The following SNX18 variants were observed in gnomAD, a reference collection of about 807,000 sequenced individuals.
The protein encoded by SNX18 is sorting nexin 18.
SNX18 carries 35 observed loss-of-function variants against 48.7 expected under a neutral mutation model. That is an observed-to-expected ratio of 0.72 (90% confidence interval 0.55 to 0.95). The LOEUF (loss-of-function observed/expected upper bound fraction) is 0.95. SNX18 is among the 40% of genes least tolerant of loss of function. The pLI is 0.00. For missense variants in SNX18, 824 were observed against 871.0 expected, an observed-to-expected ratio of 0.95 and a Z score of 0.68; for synonymous variants, 492 against 384.7, an observed-to-expected ratio of 1.28 and a Z score of -3.26.
At chr5:54,611,444 T>A in the SNX18 span, among the ~76,000 whole-genome samples, 1 of 152,026 alleles carries the variant, frequency 6.6e-6, no homozygotes, top group Non-Finnish European at 1.5e-5. Context: ...ACCCTGCGGG[T>A]CCCAGGGTAG....
At chr5:54,603,231 AAT>A in the SNX18 span, among the ~76,000 whole-genome samples, 61,093 of 113,596 alleles carry the variant, frequency 0.54, 13,526 homozygotes, top group African/African-American at 0.65. Flanking sequence ...ATTATTTAAA[AAT>A]ATATATATAT....
At chr5:54,613,501 A>AC in the SNX18 span, among the ~76,000 whole-genome samples, 1 of 151,808 alleles carries the variant, frequency 6.6e-6, no homozygotes, top group African/African-American at 2.4e-5. Flanking sequence ...CTCATGACCT[A>AC]CTCATCTCTT....
At chr5:54,533,820 C>G (rs1217965734) in intron 1 of SNX18, among the ~76,000 whole-genome samples, 2 of 151,948 alleles carry the variant, frequency 1.3e-5, no homozygotes, top group Non-Finnish European at 2.9e-5. Context: ...AGACATTTTG[C>G]TCAAAACAAT....
chr5:54,590,496 GTGATCATTGCTTT>G, the SNX18 span, among the ~76,000 whole-genome samples: 1 of 152,162 alleles, frequency 6.6e-6, no homozygotes, highest in East Asian at 1.9e-4. Context: ...CCAGATCCAT[GTGATCATTGCTTT>G]TGATCTGACA....
At chr5:54,539,833 T>C (rs576176214) in intron 1 of SNX18, among the ~76,000 whole-genome samples, 1 of 152,084 alleles carries the variant, frequency 6.6e-6, no homozygotes, top group African/African-American at 2.4e-5. Context: ...TTTTTTGTTT[T>C]GTTTTGTTTT....
At chr5:54,641,076 A>G in the SNX18 span, among the ~76,000 whole-genome samples, 2 of 152,100 alleles carry the variant, frequency 1.3e-5, no homozygotes, top group Non-Finnish European at 2.9e-5. Context: ...AGAAAAAAAA[A>G]ATCAGGAAGG....
the SNX18 span, among the ~76,000 whole-genome samples, chr5:54,592,062 G>A: frequency 2.0e-5 from 3 of 152,268 alleles, no homozygotes; most frequent in Non-Finnish European, 4.4e-5. Flanking sequence ...GGCTCTTATG[G>A]TCTTTAACAA....
At chr5:54,590,749 G>C in the SNX18 span, among the ~76,000 whole-genome samples, 3 of 152,038 alleles carry the variant, frequency 2.0e-5, no homozygotes, top group Non-Finnish European at 4.4e-5. Flanking sequence ...TTTTTTCTCA[G>C]ACAGTCCCCT....
the SNX18 span, among the ~76,000 whole-genome samples, chr5:54,593,390 G>A: frequency 6.6e-6 from 1 of 152,134 alleles, no homozygotes; most frequent in South Asian, 2.1e-4. Flanking sequence ...AATAGAGTCT[G>A]GGCCTTAATA....
At chr5:54,539,979 C>G (rs986846466) in intron 1 of SNX18, among the ~76,000 whole-genome samples, 3 of 152,014 alleles carry the variant, frequency 2.0e-5, no homozygotes, top group African/African-American at 7.3e-5. Context: ...TGAAGTGATT[C>G]TCCTGCCTCA....
the SNX18 span, among the ~76,000 whole-genome samples, chr5:54,564,567 T>C: frequency 1.3e-5 from 2 of 152,020 alleles, no homozygotes; most frequent in Admixed American, 6.6e-5. Flanking sequence ...AAAATCAAGA[T>C]GTTGTTAGGC....
rs1454721656 is a variant in SNX18, at chr5:54,546,047, A to G, written c.*2615A>G. The G allele has an allele frequency of 2.0e-5, 3 of 152,174 alleles. No homozygotes were observed. Among genetic ancestry groups the G allele is most frequent in the African/African-American group, 7.2e-5 (3 of 41,432 alleles). 9.4% of individuals were successfully genotyped at this position (152,174 alleles called of 1,614,324 possible). A position where few individuals can be genotyped will look rare whatever the true frequency, so the allele number is the denominator to read the frequency against. On this transcript the variant is annotated 3_prime_UTR_variant, in exon 2 of 2. Coordinates refer to ENST00000381410, the MANE Select transcript of SNX18 (RefSeq NM_001102575.2). The stretch of plus-strand genomic sequence containing the variant: ...GTGTCGTAATCTTGTTCCCCGTCCA[A>G]GCTGTTGTATCTGAAGGTACCCAGT...
At chr5:54,593,762 G>A in the SNX18 span, among the ~76,000 whole-genome samples, 1 of 152,194 alleles carries the variant, frequency 6.6e-6, no homozygotes, top group African/African-American at 2.4e-5. Flanking sequence ...TTTTGACAGA[G>A]GTGCTAAGGT....
rs764516078 is a variant in SNX18 at position 54,518,231 on chromosome 5, C to A, written c.279C>A (p.Pro93=). The change falls in exon 1 of 2, where the codon CCC becomes CCA. Residue 93 remains proline, a synonymous_variant. Coordinates refer to ENST00000381410, the MANE Select transcript of SNX18 (RefSeq NM_001102575.2). ...PGGFEPLPVA[P]PASFKPPPDA... The stretch of plus-strand genomic sequence containing the variant: ...GCTTCGAGCCCCTGCCTGTCGCGCC[C>A]CCCGCCTCCTTCAAGCCGCCGCCTG... 7.0e-7 allele frequency: 1 copy of A among 1,431,762 alleles called. No individual in the cohort carries two copies. The highest frequency in any genetic ancestry group is 1.5e-5 in the African/African-American group (1 of 66,630). The allele number at this position is 1,431,762 out of a possible 1,614,324, so 88.7% of individuals were successfully genotyped here.
the SNX18 span, among the ~76,000 whole-genome samples, chr5:54,635,277 C>T: frequency 2.6e-5 from 4 of 151,416 alleles, no homozygotes; most frequent in South Asian, 2.1e-4. Context: ...TACTATATAT[C>T]GTTTTCCTTT....
In SNX18 at chr5:54,544,599, T is replaced by A. The variant is rs1415180937; in HGVS notation, c.*1167T>A. On this transcript the variant is annotated 3_prime_UTR_variant, in exon 2 of 2. Transcript: ENST00000381410. ...TACTGAAGGAAAAAGATAATTGATT[T>A]ATACTATGTTTTAAAAAAAAAAAAG... 2 of 147,896 alleles carry A rather than the reference T, an allele frequency of 1.4e-5. No individual in the cohort carries two copies. Among genetic ancestry groups the A allele is most frequent in the Non-Finnish European group, 3.0e-5 (2 of 67,030 alleles). The allele number at this position is 147,896 out of a possible 1,614,324, so 9.2% of individuals were successfully genotyped here.
intron 1 of SNX18, 140 bp downstream of exon 1, chr5:54,519,713 C>G (rs1286774170): frequency 6.2e-7 from 1 of 1,614,080 alleles, no homozygotes. Flanking sequence ...ACGCCTGGGT[C>G]TTTTCCCTAG....
chr5:54,641,919 C>A, the SNX18 span, among the ~76,000 whole-genome samples: 11 of 152,086 alleles, frequency 7.2e-5, no homozygotes, highest in African/African-American at 2.7e-4. Flanking sequence ...TCTTTCAAAA[C>A]GATTGGTGGC....
the SNX18 span, among the ~76,000 whole-genome samples, chr5:54,587,967 C>T: frequency 6.6e-6 from 1 of 152,082 alleles, no homozygotes; most frequent in African/African-American, 2.4e-5. Context: ...CAGGTTGTGT[C>T]CATGAGAGGA....
Sources: gnomAD v4.1 joint callset for allele counts (sites outside exome capture counted in the v4.1 genomes callset) on GRCh38, gnomAD v4.1.1 for gene constraint, MANE v1.5 for transcripts, NCBI Gene and HGNC (gene_info 2026-07-23, HGNC 2026-07-21) for gene names.